The following ARHGAP31 variants were observed in gnomAD, a reference collection of about 807,000 sequenced individuals.
ARHGAP31 encodes rho GTPase-activating protein 31.
Under a neutral mutation model 113.9 loss-of-function variants are expected in ARHGAP31, and 34 were observed. The ratio of observed to expected loss-of-function variants is 0.30; its 90% CI spans 0.23 to 0.40. The LOEUF (loss-of-function observed/expected upper bound fraction) is 0.40, where lower values mean the gene tolerates loss of function less well. ARHGAP31 is among the 10% of genes least tolerant of loss of function. The pLI, the probability that ARHGAP31 is intolerant of heterozygous loss-of-function variation, is 1.00. For missense variants in ARHGAP31, 1,548 were observed against 1,767.1 expected (o/e 0.88, Z 2.22); for synonymous variants, 650 against 684.8 (o/e 0.95, Z 0.79).
chr3:119,322,135 G>T (rs2079793148), intron 1 of ARHGAP31, among the ~76,000 whole-genome samples: 1 of 152,202 alleles, frequency 6.6e-6, no homozygotes. Flanking sequence ...GGATTAAAAG[G>T]TGTGTTATTA....
intron 1 of ARHGAP31, among the ~76,000 whole-genome samples, chr3:119,325,494 C>G (rs1393560877): frequency 3.3e-5 from 5 of 152,192 alleles, no homozygotes; most frequent in Non-Finnish European, 7.3e-5. Flanking sequence ...GGAGTCTGCC[C>G]TGGGTCTGCC....
At chr3:119,305,679 A>G (rs1399850367) in intron 1 of ARHGAP31, among the ~76,000 whole-genome samples, 2 of 152,218 alleles carry the variant, frequency 1.3e-5, no homozygotes, top group South Asian at 2.1e-4. Flanking sequence ...TATATTTGGA[A>G]GATCCTTTGT....
intron 1 of ARHGAP31, among the ~76,000 whole-genome samples, chr3:119,344,306 C>G (rs1422826126): frequency 2.0e-5 from 3 of 152,206 alleles, no homozygotes; most frequent in Non-Finnish European, 4.4e-5. Context: ...CCATTTTCCC[C>G]GTGTTTCCGT....
At chr3:119,379,121 A>G (rs759361354) in intron 3 of ARHGAP31, among the ~76,000 whole-genome samples, 23 of 152,264 alleles carry the variant, frequency 1.5e-4, no homozygotes, top group Non-Finnish European at 5.9e-5. Flanking sequence ...CTTAGTGGGC[A>G]AAGCCCTGGC....
chr3:119,391,748 T>C (rs549581313), intron 7 of ARHGAP31, among the ~76,000 whole-genome samples: 275 of 152,094 alleles, frequency 1.8e-3, no homozygotes, highest in Non-Finnish European at 2.7e-3. Flanking sequence ...AAAACAGGTA[T>C]GAAAACAGGC....
chr3:119,328,703 C>T (rs943710702), intron 1 of ARHGAP31, among the ~76,000 whole-genome samples: 4 of 152,060 alleles, frequency 2.6e-5, no homozygotes, highest in South Asian at 2.1e-4. Flanking sequence ...TGCAATGGCG[C>T]GATCTTGGCT....
intron 1 of ARHGAP31, among the ~76,000 whole-genome samples, chr3:119,299,277 T>C (rs963886108): frequency 1.3e-5 from 2 of 152,212 alleles, no homozygotes; most frequent in Admixed American, 6.5e-5. Flanking sequence ...CAGACCATTT[T>C]CCCCTGGATA....
Position 119,414,010 on chromosome 3 carries a change from T to G in ARHGAP31, c.2081T>G (p.Ile694Ser). The change falls in exon 12 of 12, where the codon ATT becomes AGT. Residue 694 changes from isoleucine (I) to serine (S), a missense_variant. Physicochemically the swap from Ile to Ser is moderately radical, Grantham distance 142. Coordinates refer to ENST00000264245, the MANE Select transcript of ARHGAP31 (RefSeq NM_020754.4). ...PILESSLGPF[I>S]PSEPPGSLPC... ...CTCGAGTCGAGTCTGGGGCCCTTTA[T>G]TCCCTCAGAGCCTCCTGGGAGCTTG... 1 of 1,614,068 alleles carries G rather than the reference T, an allele frequency of 6.2e-7. No individual in the cohort carries two copies. The highest frequency in any genetic ancestry group is 1.1e-5 in the South Asian group (1 of 91,070).
intron 1 of ARHGAP31, among the ~76,000 whole-genome samples, chr3:119,318,561 C>T (rs1471985882): frequency 2.6e-5 from 4 of 152,104 alleles, no homozygotes; most frequent in African/African-American, 9.7e-5. Context: ...ACTTTACTTC[C>T]TGATTAATTT....
intron 9 of ARHGAP31, among the ~76,000 whole-genome samples, chr3:119,401,441 G>A (rs982197738): frequency 4.6e-5 from 7 of 152,120 alleles, no homozygotes; most frequent in Admixed American, 4.6e-4. Context: ...TTCATTTTGA[G>A]CAAACATCAT....
intron 1 of ARHGAP31, among the ~76,000 whole-genome samples, chr3:119,352,090 A>G (rs2080115209): frequency 6.6e-6 from 1 of 152,202 alleles, no homozygotes; most frequent in South Asian, 2.1e-4. Flanking sequence ...GAAAGGATGA[A>G]CCACATAAGC....
rs189273774 is a variant in ARHGAP31, at chr3:119,379,524, C to T, written c.349-1380C>T. Among the ~76,000 whole-genome samples the T allele has an allele frequency of 1.7e-3, 257 of 152,260 alleles. 6 individuals carry two copies. The highest frequency in any genetic ancestry group is 0.016 in the Admixed American group (238 of 15,296). On this transcript the variant is annotated intron_variant, in intron 3 of 11. Transcript: ENST00000264245. ...CTAAAGGTTGAACAGAGGTGAGCAA[C>T]GTAAGAAAACCATCACCACGGTTAG...
chr3:119,362,751 A>G (rs965469192), intron 1 of ARHGAP31, among the ~76,000 whole-genome samples: 2 of 149,924 alleles, frequency 1.3e-5, no homozygotes, highest in Non-Finnish European at 3.0e-5. Flanking sequence ...CCGAGTGACA[A>G]GAGCGAAACT....
chr3:119,403,697 A>G (rs1232763529), intron 10 of ARHGAP31, among the ~76,000 whole-genome samples: 2 of 152,216 alleles, frequency 1.3e-5, no homozygotes, highest in Admixed American at 6.6e-5. Context: ...AAGATTTAGA[A>G]GAGGTGACAT....
At chr3:119,323,381 G>T (rs898721483) in intron 1 of ARHGAP31, among the ~76,000 whole-genome samples, 1 of 152,226 alleles carries the variant, frequency 6.6e-6, no homozygotes, top group Admixed American at 6.5e-5. Context: ...CAGGGCTGCG[G>T]CCACACCCCG....
At chr3:119,302,619 T>C (rs2079594130) in intron 1 of ARHGAP31, among the ~76,000 whole-genome samples, 1 of 152,188 alleles carries the variant, frequency 6.6e-6, no homozygotes, top group Admixed American at 6.5e-5. Flanking sequence ...TCTTTAAGAA[T>C]TGGGCATTTT....
intron 1 of ARHGAP31, among the ~76,000 whole-genome samples, chr3:119,326,497 C>T (rs1372119877): frequency 6.6e-6 from 1 of 152,130 alleles, no homozygotes; most frequent in Non-Finnish European, 1.5e-5. Context: ...GAATAGCATT[C>T]CCCTCTGGGA....
rs115207951 is a variant in ARHGAP31 at position 119,313,214 on chromosome 3, C to G, written c.100+18210C>G. On this transcript the variant is annotated intron_variant, in intron 1 of 11. Transcript: ENST00000264245. ...AAAAAAATTTCCTTCCCATCCCTGT[C>G]CCCAGCTTCTCTGTTCCTCTTCCCA... Among the ~76,000 whole-genome samples the G allele has an allele frequency of 8.1e-3, 1,232 of 152,274 alleles. 12 individuals carry two copies. Among genetic ancestry groups the G allele is most frequent in the African/African-American group, 0.027 (1,118 of 41,536 alleles).
Position 119,416,333 on chromosome 3 carries a change from C to G in ARHGAP31, c.*69C>G. On this transcript the variant is annotated 3_prime_UTR_variant, in exon 12 of 12. Coordinates refer to ENST00000264245, the MANE Select transcript of ARHGAP31 (RefSeq NM_020754.4). Reference sequence around the variant, plus strand: ...TGGAAGTTATTACAGGGCCAGCTTGCCATATTCCAGGCACACGTTATCAAG... The same window carrying G: ...TGGAAGTTATTACAGGGCCAGCTTGGCATATTCCAGGCACACGTTATCAAG... The G allele has an allele frequency of 1.9e-6, 3 of 1,600,232 alleles. 1 individual carries two copies. The South Asian group carries it at 3.3e-5, about 18-fold the overall frequency.
Sources: allele counts gnomAD v4.1 joint callset (sites outside exome capture counted in the v4.1 genomes callset), GRCh38; gene constraint gnomAD v4.1.1; transcripts MANE v1.5; gene names NCBI Gene and HGNC (gene_info 2026-07-23, HGNC 2026-07-21).